RICTOR: variants seen among roughly 807,000 people sequenced by gnomAD.
The protein encoded by RICTOR is rapamycin-insensitive companion of mTOR.
In RICTOR, 49 loss-of-function variants were observed where a neutral mutation model predicts 214.9. That is an observed-to-expected ratio of 0.23 (90% confidence interval 0.18 to 0.29). RICTOR has a LOEUF of 0.29. RICTOR is among the 10% of genes least tolerant of loss of function. The probability of loss-of-function intolerance (pLI) is 1.00; values close to 1 mark genes in which losing one functional copy is unlikely to be tolerated. For synonymous variants in RICTOR, 717 were observed against 711.3 expected (o/e 1.01, Z -0.13); for missense variants, 1,625 against 2,047.0 (o/e 0.79, Z 3.98).
At position 38,958,523 on chromosome 5, in the gene RICTOR, A is replaced by G. The variant is rs775686326; in HGVS notation, c.2344-4T>C. ...GAATGAGAGCATGAAGATTGGCCTA[A>G]AAGAGATTATCATTATTTTTTTATA... On this transcript the variant is annotated splice_polypyrimidine_tract_variant and splice_region_variant and intron_variant, in intron 23 of 37. Coordinates refer to ENST00000357387, the MANE Select transcript of RICTOR (RefSeq NM_152756.5). 5.0e-6 allele frequency: 8 copies of G among 1,605,626 alleles called. No homozygotes were observed. Among genetic ancestry groups the G allele is most frequent in the East Asian group, 2.2e-5 (1 of 44,804 alleles).
chr5:39,004,960 T>C (rs1314380571), intron 3 of RICTOR, among the ~76,000 whole-genome samples: 1 of 152,014 alleles, frequency 6.6e-6, no homozygotes, highest in Non-Finnish European at 1.5e-5. Flanking sequence ...TTTGTATTTT[T>C]AGTAGAGACA....
At chr5:39,050,269 A>G (rs545500556) in intron 2 of RICTOR, among the ~76,000 whole-genome samples, 128 of 151,940 alleles carry the variant, frequency 8.4e-4, no homozygotes, top group Non-Finnish European at 1.0e-3. Context: ...CTGTAAAACA[A>G]TCAGGAAAAT....
rs749229163 is a variant in RICTOR at position 38,950,020 on chromosome 5, A to G, written c.3828T>C (p.His1276=). Residue 1276 remains histidine (H), a synonymous_variant, in exon 31 of 38, where the codon CAT becomes CAC. Transcript: ENST00000357387. ...CCGAATTTGATTTGGAGAGAGACAG[A>G]TGGTTAGACTGTGGCGTCAAATAGT... The part of the protein sequence containing the change: ...TSHYLTPQSN[H]LSLSKSNSVS... The G allele has an allele frequency of 6.2e-7, 1 of 1,613,490 alleles. No homozygotes were observed. Among genetic ancestry groups the G allele is most frequent in the South Asian group, 1.1e-5 (1 of 91,074 alleles).
chr5:38,943,063 C>A, intron 36 of RICTOR, 92 bp from the exon 37 acceptor site: 1 of 869,096 alleles, frequency 1.2e-6, no homozygotes, highest in South Asian at 1.6e-5. Context: ...ATAGATTTCC[C>A]TACAGATATG....
intron 2 of RICTOR, among the ~76,000 whole-genome samples, chr5:39,057,438 AT>A (rs1348943039): frequency 6.6e-6 from 1 of 152,140 alleles, no homozygotes; most frequent in East Asian, 1.9e-4. Flanking sequence ...TAATAATCAA[AT>A]TATCACTTTA....
chr5:39,035,022 G>A (rs912749211), intron 2 of RICTOR, among the ~76,000 whole-genome samples: 8 of 152,250 alleles, frequency 5.3e-5, no homozygotes, highest in African/African-American at 1.9e-4. Flanking sequence ...GCCTCCTCAA[G>A]TGGGTCCCTG....
chr5:39,031,592 A>G (rs1396078431), intron 2 of RICTOR, among the ~76,000 whole-genome samples: 1 of 152,180 alleles, frequency 6.6e-6, no homozygotes, highest in Non-Finnish European at 1.5e-5. Flanking sequence ...GATTAACTGT[A>G]CAAATCTAAC....
chr5:38,947,860 A>G (rs1748371400), intron 31 of RICTOR, among the ~76,000 whole-genome samples: 1 of 152,126 alleles, frequency 6.6e-6, no homozygotes, highest in Non-Finnish European at 1.5e-5. Context: ...TTATATTTAT[A>G]AAAAATGAGA....
rs117443322 is a variant in RICTOR at position 38,995,640 on chromosome 5, A to G, written c.456+1179T>C. The stretch of plus-strand genomic sequence containing the variant: ...ATTTAATGTGTTTATTATTTTAAAC[A>G]TATTAATATATATTTTAGTCCCTAA... On this transcript the variant is annotated intron_variant, in intron 6 of 37. Transcript: ENST00000357387. 7.0e-3 allele frequency among the ~76,000 whole-genome samples: 1,059 copies of G among 152,240 alleles called. 53 individuals are homozygous for G. The East Asian group carries it at 0.12, about 17-fold the overall frequency.
intron 30 of RICTOR, 35 bp from the exon 31 acceptor site, chr5:38,950,755 T>TA: frequency 6.6e-7 from 1 of 1,504,558 alleles, no homozygotes; most frequent in Non-Finnish European, 8.9e-7. Flanking sequence ...AAAACACATA[T>TA]AAAATGACAA....
At chr5:38,984,274 T>G (rs962071583) in intron 7 of RICTOR, among the ~76,000 whole-genome samples, 2 of 152,202 alleles carry the variant, frequency 1.3e-5, no homozygotes. Context: ...TTCAAATCTT[T>G]GAGTTTTCCA....
chr5:39,045,026 C>G (rs1224510610), intron 2 of RICTOR, among the ~76,000 whole-genome samples: 3 of 152,058 alleles, frequency 2.0e-5, no homozygotes, highest in Non-Finnish European at 1.5e-5. Context: ...TGGATAAGAC[C>G]TGCTCAATGG....
intron 33 of RICTOR, among the ~76,000 whole-genome samples, chr5:38,946,176 G>A (rs984931817): frequency 6.6e-6 from 1 of 152,114 alleles, no homozygotes; most frequent in Admixed American, 6.6e-5. Context: ...GATCTATGAG[G>A]ATTAGTGTTA....
At chr5:39,015,281 C>T (rs2150127258) in intron 3 of RICTOR, among the ~76,000 whole-genome samples, 1 of 152,110 alleles carries the variant, frequency 6.6e-6, no homozygotes, top group South Asian at 2.1e-4. Context: ...ACTCAATAAG[C>T]AAATGAATGA....
At position 38,995,876 on chromosome 5, in the gene RICTOR, C is replaced by T. The variant is rs570710705; in HGVS notation, c.456+943G>A. Among the ~76,000 whole-genome samples, 17 of 152,142 alleles carry T rather than the reference C, an allele frequency of 1.1e-4. 1 individual carries two copies. Among genetic ancestry groups the T allele is most frequent in the African/African-American group, 3.1e-4 (13 of 41,538 alleles). Reference sequence around the variant, plus strand: ...TAACAAGAGTCTCCTAATCTATTTCCGGTATCATTCTTAGTCGAATTTCAA... The same window carrying T: ...TAACAAGAGTCTCCTAATCTATTTCTGGTATCATTCTTAGTCGAATTTCAA... On this transcript the variant is annotated intron_variant, in intron 6 of 37. Transcript: ENST00000357387.
chr5:38,945,605 T>C lies in RICTOR; in HGVS notation c.4519A>G (p.Thr1507Ala). 6.2e-7 allele frequency: 1 copy of C among 1,613,306 alleles called. No individual in the cohort carries two copies. The highest frequency in any genetic ancestry group is 8.5e-7 in the Non-Finnish European group (1 of 1,179,216). Residue 1507 changes from threonine to alanine, a missense_variant, in exon 34 of 38, where the codon ACA (threonine) becomes GCA (alanine). Thr to Ala is a moderately conservative substitution (Grantham distance 58, BLOSUM62 0). This residue lies in a region of RICTOR where 1,214 missense variants were observed against 1,470.5 expected (regional missense o/e 0.83). Coordinates refer to ENST00000357387, the MANE Select transcript of RICTOR (RefSeq NM_152756.5). ...TGTTCCTGTAGTCCAGTGTCTTCTG[T>C]ACTTTCTAAAAACAGAGAGGCATCT... is the stretch of plus-strand genomic sequence containing the variant. ...HSDASLFLES[T>A]EDTGLQEHTD...
chr5:39,074,069 C>T (rs1353545304), intron 2 of RICTOR, 42 bp downstream of exon 2: 1 of 1,526,366 alleles, frequency 6.6e-7, no homozygotes, highest in South Asian at 1.2e-5. Flanking sequence ...CGGCTCCTCC[C>T]CAGCAGCGCG....
At chr5:38,952,947 C>T (rs761207958) in intron 29 of RICTOR, 38 bp downstream of exon 29, 11 of 1,229,456 alleles carry the variant, frequency 8.9e-6, no homozygotes, top group Middle Eastern at 1.9e-4. Flanking sequence ...TGAATAACAA[C>T]GTCTACATTA....
At chr5:38,960,650 G>A in intron 19 of RICTOR, 117 bp from the exon 20 acceptor site, 1 of 1,010,448 alleles carries the variant, frequency 9.9e-7, no homozygotes, top group Non-Finnish European at 1.5e-6. Context: ...TGAACCATTG[G>A]GATAAATGGC....
Sources: allele counts gnomAD v4.1 joint callset (sites outside exome capture counted in the v4.1 genomes callset), GRCh38; gene constraint gnomAD v4.1.1; regional missense constraint gnomAD v4.1.1; transcripts MANE v1.5; gene names NCBI Gene and HGNC (gene_info 2026-07-23, HGNC 2026-07-21).